MXI1: variants seen among roughly 807,000 people sequenced by gnomAD.
MXI1 encodes max-interacting protein 1.
In MXI1, 18 loss-of-function variants were observed where a neutral mutation model predicts 36.9. The ratio of observed to expected loss-of-function variants is 0.49; its 90% CI spans 0.34 to 0.72. MXI1 has a LOEUF of 0.72. Ranked by LOEUF, MXI1 falls within the 30% of genes least tolerant of loss-of-function variation. The pLI is 0.01. For synonymous variants in MXI1, 160 were observed against 146.7 expected, an observed-to-expected ratio of 1.09 and a Z score of -0.65; for missense variants, 304 against 379.1, an observed-to-expected ratio of 0.80 and a Z score of 1.64.
At chr10:110,209,130 T>C (rs1367953195) in intron 1 of MXI1, among the ~76,000 whole-genome samples, 2 of 152,090 alleles carry the variant, frequency 1.3e-5, no homozygotes, top group African/African-American at 2.4e-5. Flanking sequence ...CACCCAGCTT[T>C]CCCCAGGCAG....
intron 1 of MXI1, among the ~76,000 whole-genome samples, chr10:110,218,394 G>T (rs1448267288): frequency 6.7e-6 from 1 of 149,350 alleles, no homozygotes; most frequent in African/African-American, 2.5e-5. Context: ...TGCTTGCAGT[G>T]AGCCGAGATC....
At chr10:110,270,569 C>A (rs1856825034) in intron 3 of MXI1, among the ~76,000 whole-genome samples, 1 of 151,942 alleles carries the variant, frequency 6.6e-6, no homozygotes, top group African/African-American at 2.4e-5. Flanking sequence ...GTCCATGGAT[C>A]TGGTAAGCAT....
intron 5 of MXI1, among the ~76,000 whole-genome samples, chr10:110,280,607 G>A (rs1857206903): frequency 2.0e-5 from 3 of 151,610 alleles, no homozygotes; most frequent in Admixed American, 6.6e-5. Context: ...GTGAACCCGG[G>A]AGGCGGAGCT....
At chr10:110,223,590 T>A (rs993575111) in intron 1 of MXI1, among the ~76,000 whole-genome samples, 1 of 151,816 alleles carries the variant, frequency 6.6e-6, no homozygotes, top group African/African-American at 2.4e-5. Flanking sequence ...AATAAATAAA[T>A]AAATAAAAAA....
chr10:110,237,567 A>G (rs1855517505), intron 2 of MXI1, among the ~76,000 whole-genome samples: 1 of 152,192 alleles, frequency 6.6e-6, no homozygotes, highest in Non-Finnish European at 1.5e-5. Context: ...CTGTTGCAGT[A>G]CTGATACTAA....
chr10:110,260,418 TGTGTG>T (rs1856468555), intron 3 of MXI1, among the ~76,000 whole-genome samples: 1 of 6,694 alleles, frequency 1.5e-4, no homozygotes, highest in Non-Finnish European at 2.9e-4. Context: ...TTGATACAGG[TGTGTG>T]TGTGTGTGTG....
chr10:110,211,260 C>A (rs995426425), intron 1 of MXI1, among the ~76,000 whole-genome samples: 4 of 152,138 alleles, frequency 2.6e-5, no homozygotes, highest in African/African-American at 9.7e-5. Flanking sequence ...TTCTTTCCTC[C>A]GACTGGACTT....
intron 3 of MXI1, among the ~76,000 whole-genome samples, chr10:110,271,314 G>C (rs1348715303): frequency 6.6e-6 from 1 of 152,094 alleles, no homozygotes; most frequent in African/African-American, 2.4e-5. Flanking sequence ...GGTGTTGATT[G>C]TTACCTCAAC....
At chr10:110,214,957 T>G (rs1854594607) in intron 1 of MXI1, among the ~76,000 whole-genome samples, 1 of 150,022 alleles carries the variant, frequency 6.7e-6, no homozygotes, top group Non-Finnish European at 1.5e-5. Context: ...CAGGCAGAAA[T>G]GGGGGAGCTT....
rs553586578 is a variant in MXI1, at chr10:110,273,383, T to G, written c.438-5797T>G. Among the ~76,000 whole-genome samples, 5 of 152,274 alleles carry G rather than the reference T, an allele frequency of 3.3e-5. No individual in the cohort carries two copies. The South Asian group carries it at 1.0e-3, about 32-fold the overall frequency. ...TTCTTATTTCATGAACCGAATAAGC[T>G]GAACAGCAGAATATGATCATACATG... On this transcript the variant is annotated intron_variant, in intron 3 of 5. Transcript: ENST00000332674.
chr10:110,226,007 G>T, intron 1 of MXI1: 3 of 982,666 alleles, frequency 3.1e-6, no homozygotes, highest in Non-Finnish European at 3.6e-6. Flanking sequence ...AACAAACCAC[G>T]CGCGGGCTGC....
intron 3 of MXI1, among the ~76,000 whole-genome samples, chr10:110,249,913 A>C (rs751629258): frequency 1.3e-5 from 2 of 152,164 alleles, no homozygotes; most frequent in African/African-American, 4.8e-5. Flanking sequence ...GTAATTCCAG[A>C]TAGCTATCTC....
chr10:110,279,171 C>A lies in MXI1; in HGVS notation c.438-9C>A. On this transcript the variant is annotated splice_polypyrimidine_tract_variant and intron_variant, in intron 3 of 5. Coordinates refer to ENST00000332674, the MANE Select transcript of MXI1 (RefSeq NM_130439.3). ...AGACTGTGCTGATTTGACTTTTTGTCTTTCTTAGACGAGCTCATCTGCGCC... is the reference window on the plus strand; with the variant it reads ...AGACTGTGCTGATTTGACTTTTTGTATTTCTTAGACGAGCTCATCTGCGCC... 2 of 1,606,544 alleles carry A rather than the reference C, an allele frequency of 1.2e-6. No individual in the cohort carries two copies. Among genetic ancestry groups the A allele is most frequent in the Non-Finnish European group, 1.7e-6 (2 of 1,174,440 alleles).
At chr10:110,232,125 T>C (rs79100336) in intron 2 of MXI1, among the ~76,000 whole-genome samples, 13,439 of 152,186 alleles carry the variant, frequency 0.088, 1,111 homozygotes, top group East Asian at 0.3. Context: ...CATGCCCGGC[T>C]AATTTTTTGT....
At chr10:110,209,190 G>A (rs899656176) in intron 1 of MXI1, among the ~76,000 whole-genome samples, 1 of 152,252 alleles carries the variant, frequency 6.6e-6, no homozygotes, top group African/African-American at 2.4e-5. Context: ...ATCCAGCACC[G>A]TCCTCAGAAT....
At chr10:110,215,018 C>T (rs1455313796) in intron 1 of MXI1, among the ~76,000 whole-genome samples, 3 of 142,366 alleles carry the variant, frequency 2.1e-5, no homozygotes, top group Non-Finnish European at 4.6e-5. Flanking sequence ...ATTTTTCTTT[C>T]TGCTCCACTT....
intron 1 of MXI1, chr10:110,227,409 G>A (rs1855087591): frequency 2.0e-6 from 2 of 988,814 alleles, no homozygotes; most frequent in Non-Finnish European, 2.4e-6. Context: ...GTGCGAGGGT[G>A]CGCACGGAGG....
Position 110,260,416 on chromosome 10 carries a change from GGTGTGTGTGTGTGTGT to G in MXI1, c.437+15586_437+15601del, listed in dbSNP as rs151334728. Among the ~76,000 whole-genome samples the G allele has an allele frequency of 1.8e-3, 259 of 144,664 alleles. 1 individual carries two copies. Among genetic ancestry groups the G allele is most frequent in the East Asian group, 3.4e-3 (17 of 4,956 alleles). 94.9% of individuals were successfully genotyped at this position (144,664 alleles called of 152,430 possible). A position where few individuals can be genotyped will look rare whatever the true frequency, so the allele number is the denominator to read the frequency against. On this transcript the variant is annotated intron_variant, in intron 3 of 5. Transcript: ENST00000332674. ...TTTCTGAAGCATTTTCCTTGATACA[GGTGTGTGTGTGTGTGT>G]GTGTGTGTGTGTGTGTGTGTGTGTG... is the stretch of plus-strand genomic sequence containing the variant.
At chr10:110,208,845 T>C (rs1347006908) in intron 1 of MXI1, among the ~76,000 whole-genome samples, 1 of 151,096 alleles carries the variant, frequency 6.6e-6, no homozygotes, top group Non-Finnish European at 1.5e-5. Context: ...GGGACGCGGC[T>C]AGAAGGAAAC....
Sources: allele counts gnomAD v4.1 joint callset (sites outside exome capture counted in the v4.1 genomes callset), GRCh38; gene constraint gnomAD v4.1.1; transcripts MANE v1.5; gene names NCBI Gene and HGNC (gene_info 2026-07-23, HGNC 2026-07-21).